Variants in PARPBP observed in about 807,000 individuals in gnomAD.
The protein encoded by PARPBP is PARP1 binding protein, also known as PCNA-interacting partner.
In PARPBP, 52 loss-of-function variants were observed where a neutral mutation model predicts 50.0. The observed-to-expected ratio is 1.04, with a 90% CI of 0.83 to 1.31. The LOEUF (loss-of-function observed/expected upper bound fraction) is 1.31. PARPBP is among the 50% of genes most tolerant of loss of function. The probability of loss-of-function intolerance (pLI) is 0.00; values close to 1 mark genes in which losing one functional copy is unlikely to be tolerated. For missense variants in PARPBP, 697 were observed against 672.0 expected, an observed-to-expected ratio of 1.04 and a Z score of -0.41; for synonymous variants, 244 against 232.1, an observed-to-expected ratio of 1.05 and a Z score of -0.47.
At chr12:102,180,618 C>T (rs187764474) in intron 8 of PARPBP, among the ~76,000 whole-genome samples, 26 of 152,252 alleles carry the variant, frequency 1.7e-4, no homozygotes, top group Non-Finnish European at 2.9e-4. Flanking sequence ...TGGTGCATGC[C>T]TGTAGTCCCA....
At chr12:102,177,505 T>C (rs1396679619) in intron 7 of PARPBP, among the ~76,000 whole-genome samples, 3 of 152,026 alleles carry the variant, frequency 2.0e-5, no homozygotes, top group Non-Finnish European at 4.4e-5. Flanking sequence ...TTTATTATTA[T>C]ATATTTTATT....
intron 9 of PARPBP, among the ~76,000 whole-genome samples, chr12:102,186,155 G>A (rs1290370837): frequency 6.6e-6 from 1 of 151,832 alleles, no homozygotes; most frequent in Non-Finnish European, 1.5e-5. Flanking sequence ...AATATTAGTT[G>A]TAATGTCTCC....
chr12:102,150,783 C>T lies in PARPBP; in HGVS notation c.387+2320C>T, dbSNP rs183728075. ...GAGCTTAGCCTCAGAGATCTGTGGA[C>T]GTCTTTGGGGGAAGGTCAGCAAATG... On this transcript the variant is annotated intron_variant, in intron 3 of 10. Transcript: ENST00000327680. 1.6e-3 allele frequency among the ~76,000 whole-genome samples: 247 copies of T among 152,252 alleles called. 1 individual carries two copies. Among genetic ancestry groups the T allele is most frequent in the Admixed American group, 4.1e-3 (63 of 15,286 alleles).
Position 102,124,019 on chromosome 12 carries a change from C to G in PARPBP, c.131C>G (p.Ser44Cys). The change falls in exon 2 of 11, where the codon TCT becomes TGT. Residue 44 changes from serine (S) to cysteine (C), a missense_variant. Transcript: ENST00000327680. Reference protein sequence around the residue: ...ADSMLLALQLSMAENNKQHSG... With the variant: ...ADSMLLALQLCMAENNKQHSG... ...TCCATGCTCTTGGCATTGCAGCTTTCTATGGCGGAGAACAACAAACAGGTT... is the reference window on the plus strand; with the variant it reads ...TCCATGCTCTTGGCATTGCAGCTTTGTATGGCGGAGAACAACAAACAGGTT... 6.5e-7 allele frequency: 1 copy of G among 1,535,312 alleles called. No individual in the cohort carries two copies. The highest frequency in any genetic ancestry group is 8.7e-7 in the Non-Finnish European group (1 of 1,146,376).
chr12:102,194,266 G>T (rs1036009374), intron 9 of PARPBP, among the ~76,000 whole-genome samples: 18 of 151,858 alleles, frequency 1.2e-4, no homozygotes, highest in Non-Finnish European at 2.4e-4. Context: ...CAAATACTCT[G>T]TAAGTAATAA....
intron 2 of PARPBP, among the ~76,000 whole-genome samples, chr12:102,134,717 G>A (rs956979285): frequency 4.6e-5 from 7 of 151,852 alleles, no homozygotes; most frequent in Non-Finnish European, 8.8e-5. Flanking sequence ...TCACTCTGTC[G>A]CCCAGGCTGG....
intron 4 of PARPBP, among the ~76,000 whole-genome samples, chr12:102,158,172 C>G (rs1045665888): frequency 2.0e-4 from 30 of 146,862 alleles, no homozygotes; most frequent in African/African-American, 7.2e-4. Context: ...TCTGTTATGT[C>G]TTTACATTAA....
intron 4 of PARPBP, among the ~76,000 whole-genome samples, chr12:102,155,977 G>A (rs1400407776): frequency 1.3e-5 from 2 of 151,972 alleles, no homozygotes; most frequent in Non-Finnish European, 2.9e-5. Context: ...CGTGACCCAC[G>A]GCTTCTAATA....
chr12:102,165,700 A>G, intron 5 of PARPBP, 29 bp from the exon 6 acceptor site: 2 of 1,552,638 alleles, frequency 1.3e-6, no homozygotes, highest in Non-Finnish European at 1.8e-6. Context: ...ATCACTGGAC[A>G]TAACTTATCC....
intron 2 of PARPBP, among the ~76,000 whole-genome samples, chr12:102,134,791 C>T (rs1451070007): frequency 6.6e-6 from 1 of 152,110 alleles, no homozygotes. Flanking sequence ...TGATTTTTAC[C>T]TCAGCCTCCC....
chr12:102,157,973 A>G (rs1489948411), intron 4 of PARPBP, among the ~76,000 whole-genome samples: 1 of 151,922 alleles, frequency 6.6e-6, no homozygotes, highest in Non-Finnish European at 1.5e-5. Flanking sequence ...ACAAAAAAGT[A>G]GCCAGGTGTA....
Position 102,153,913 on chromosome 12 carries a change from T to C in PARPBP, c.432T>C (p.Gly144=), listed in dbSNP as rs1305919523. The change falls in exon 4 of 11, where the codon GGT becomes GGC. Residue 144 remains glycine (G), a synonymous_variant. Transcript: ENST00000327680. The part of the protein sequence containing the change: ...DFLSGKQYAV[G]DETDLSIPTS... ...TGTCTGGCAAACAGTATGCAGTAGG[T>C]GATGAAACTGATCTTTCTATACCAA... 1 of 1,611,532 alleles carries C rather than the reference T, an allele frequency of 6.2e-7. No homozygotes were observed. The highest frequency in any genetic ancestry group is 8.5e-7 in the Non-Finnish European group (1 of 1,177,778).
chr12:102,142,661 A>G (rs572719269), intron 2 of PARPBP, among the ~76,000 whole-genome samples: 68 of 152,260 alleles, frequency 4.5e-4, no homozygotes, highest in African/African-American at 1.5e-3. Flanking sequence ...TGACGTACAG[A>G]TGAGGTTTGG....
chr12:102,148,067 C>G (rs755330854), intron 2 of PARPBP, among the ~76,000 whole-genome samples, 163 bp from the exon 3 acceptor site: 13 of 152,094 alleles, frequency 8.5e-5, no homozygotes, highest in Non-Finnish European at 1.2e-4. Context: ...TATCTGGTTT[C>G]CAAAATTGTC....
intron 4 of PARPBP, among the ~76,000 whole-genome samples, chr12:102,156,864 A>T (rs1887009808): frequency 6.6e-6 from 1 of 151,518 alleles, no homozygotes; most frequent in Admixed American, 6.6e-5. Context: ...CTGGCTTCGA[A>T]CTCCTGACCT....
intron 6 of PARPBP, among the ~76,000 whole-genome samples, chr12:102,168,218 G>A (rs1888345135): frequency 6.6e-6 from 1 of 152,114 alleles, no homozygotes; most frequent in Non-Finnish European, 1.5e-5. Flanking sequence ...AGATAAATGT[G>A]TATGTTCAAT....
chr12:102,182,602 T>G lies in PARPBP; in HGVS notation c.1238T>G (p.Val413Gly). 1 of 1,611,618 alleles carries G rather than the reference T, an allele frequency of 6.2e-7. No homozygotes were observed. Among genetic ancestry groups the G allele is most frequent in the South Asian group, 1.1e-5 (1 of 90,940 alleles). Residue 413 changes from valine (V) to glycine (G), a missense_variant, in exon 9 of 11, where the codon GTG (valine) becomes GGG (glycine). Val to Gly is a moderately radical substitution (Grantham distance 109, BLOSUM62 -3). Coordinates refer to ENST00000327680, the MANE Select transcript of PARPBP (RefSeq NM_017915.5). Reference sequence around the variant, plus strand: ...AAACCCCTAAGAGAACGCATCTGTGTGTCAATGCAAGAGAAAAAAATTAAG... The same window carrying G: ...AAACCCCTAAGAGAACGCATCTGTGGGTCAATGCAAGAGAAAAAAATTAAG... ...SIKPLRERICVSMQEKKIKMK... is the reference protein window; with the variant it reads ...SIKPLRERICGSMQEKKIKMK...
intron 7 of PARPBP, among the ~76,000 whole-genome samples, chr12:102,177,612 A>G (rs1383656010): frequency 6.6e-6 from 1 of 151,984 alleles, no homozygotes; most frequent in Non-Finnish European, 1.5e-5. Flanking sequence ...CCATTTCTAA[A>G]CTGTTCTATT....
intron 2 of PARPBP, among the ~76,000 whole-genome samples, chr12:102,141,489 G>A (rs576919715): frequency 2.6e-5 from 4 of 152,166 alleles, no homozygotes; most frequent in African/African-American, 9.6e-5. Flanking sequence ...ATTTACATTT[G>A]AGTTTAATAT....
Sources: allele counts gnomAD v4.1 joint callset (sites outside exome capture counted in the v4.1 genomes callset), GRCh38; gene constraint gnomAD v4.1.1; transcripts MANE v1.5; gene names NCBI Gene and HGNC (gene_info 2026-07-23, HGNC 2026-07-21).